LPAR1: variants seen among roughly 807,000 people sequenced by gnomAD.
The protein encoded by LPAR1 is lysophosphatidic acid receptor 1, also known as LPA receptor 1.
In LPAR1, 5 loss-of-function variants were observed where a neutral mutation model predicts 23.8. The ratio of observed to expected loss-of-function variants is 0.21; its 90% CI spans 0.11 to 0.44. The LOEUF (loss-of-function observed/expected upper bound fraction) is 0.44, where lower values mean the gene tolerates loss of function less well. Ranked by LOEUF, LPAR1 falls within the 20% of genes least tolerant of loss-of-function variation. LPAR1 has a pLI of 0.99. For synonymous variants in LPAR1, 160 were observed against 164.7 expected (o/e 0.97, Z 0.22); for missense variants, 311 against 482.8 (o/e 0.64, Z 3.33).
chr9:111,008,245 C>T (rs1039575986), intron 2 of LPAR1, among the ~76,000 whole-genome samples: 3 of 151,960 alleles, frequency 2.0e-5, no homozygotes, highest in African/African-American at 7.3e-5. Flanking sequence ...AAAAGTCACA[C>T]TATAGACGTC....
At chr9:111,007,170 G>A (rs374586486) in intron 2 of LPAR1, among the ~76,000 whole-genome samples, 3 of 152,174 alleles carry the variant, frequency 2.0e-5, no homozygotes, top group South Asian at 2.1e-4. Context: ...CCCAGAAGCC[G>A]AGCAGATGCC....
intron 5 of LPAR1, among the ~76,000 whole-genome samples, chr9:110,903,639 C>T (rs548967822): frequency 5.3e-5 from 8 of 152,024 alleles, no homozygotes; most frequent in African/African-American, 1.9e-4. Flanking sequence ...AAAAAACAGA[C>T]CCTCAAGGAC....
At chr9:111,005,377 G>C (rs971607441) in intron 2 of LPAR1, among the ~76,000 whole-genome samples, 2 of 150,848 alleles carry the variant, frequency 1.3e-5, no homozygotes, top group African/African-American at 4.9e-5. Context: ...AGACCAGCCT[G>C]GGCAACATGG....
chr9:111,022,847 G>A (rs914707344), intron 2 of LPAR1, among the ~76,000 whole-genome samples: 1 of 151,746 alleles, frequency 6.6e-6, no homozygotes, highest in South Asian at 2.1e-4. Context: ...TCAGGAGATC[G>A]AGACCATCCT....
At chr9:110,948,337 C>A (rs532436525) in intron 4 of LPAR1, among the ~76,000 whole-genome samples, 1 of 152,138 alleles carries the variant, frequency 6.6e-6, no homozygotes, top group Non-Finnish European at 1.5e-5. Context: ...GGCCACAAAA[C>A]AATACTGATA....
intron 5 of LPAR1, among the ~76,000 whole-genome samples, chr9:110,917,068 C>T (rs944715631): frequency 6.6e-6 from 1 of 151,498 alleles, no homozygotes; most frequent in Non-Finnish European, 1.5e-5. Context: ...CCGGGTACAG[C>T]GGCTCACGGC....
intron 2 of LPAR1, among the ~76,000 whole-genome samples, chr9:110,984,626 A>T (rs998115695): frequency 6.6e-6 from 1 of 152,046 alleles, no homozygotes; most frequent in Non-Finnish European, 1.5e-5. Context: ...TGGTATAATT[A>T]AGATATATTT....
chr9:111,024,182 G>C (rs905135600), intron 2 of LPAR1, among the ~76,000 whole-genome samples: 10 of 151,942 alleles, frequency 6.6e-5, no homozygotes, highest in African/African-American at 1.9e-4. Flanking sequence ...AAAATCCTGA[G>C]TTGAACTCAG....
At chr9:111,024,404 CAT>C (rs1044434855) in intron 2 of LPAR1, among the ~76,000 whole-genome samples, 1 of 147,076 alleles carries the variant, frequency 6.8e-6, no homozygotes, top group Non-Finnish European at 1.5e-5. Flanking sequence ...TACACACACA[CAT>C]ATTTATATAT....
intron 2 of LPAR1, among the ~76,000 whole-genome samples, chr9:110,977,851 GGAAGGAA>G (rs2096589648): frequency 7.1e-4 from 23 of 32,278 alleles, no homozygotes; most frequent in Middle Eastern, 0.019. Context: ...AAGGAGGGAA[GGAAGGAA>G]GGAAGGAAGG....
intron 2 of LPAR1, among the ~76,000 whole-genome samples, chr9:111,014,323 G>T (rs1046952991): frequency 3.3e-5 from 5 of 152,122 alleles, no homozygotes; most frequent in African/African-American, 1.2e-4. Context: ...GAAGCCATCA[G>T]TGCTGCCATT....
intron 5 of LPAR1, among the ~76,000 whole-genome samples, chr9:110,932,940 C>T (rs147496091): frequency 6.6e-6 from 1 of 152,324 alleles, no homozygotes; most frequent in African/African-American, 2.4e-5. Flanking sequence ...TTAAGTACTG[C>T]AGATCCATCT....
intron 1 of LPAR1, among the ~76,000 whole-genome samples, chr9:111,037,104 C>T (rs1358995285): frequency 6.6e-6 from 1 of 152,202 alleles, no homozygotes; most frequent in Non-Finnish European, 1.5e-5. Context: ...AATCACAGAC[C>T]TCTGGCTTAC....
chr9:110,912,354 C>A (rs1461160011), intron 5 of LPAR1, among the ~76,000 whole-genome samples: 1 of 152,124 alleles, frequency 6.6e-6, no homozygotes, highest in Non-Finnish European at 1.5e-5. Context: ...GATTTCTTTA[C>A]AAATGCAAAT....
intron 5 of LPAR1, among the ~76,000 whole-genome samples, chr9:110,932,827 T>C (rs2094489666): frequency 6.6e-6 from 1 of 152,138 alleles, no homozygotes. Context: ...TCCCCCCTCC[T>C]CCAACCCATC....
intron 2 of LPAR1, among the ~76,000 whole-genome samples, chr9:110,978,290 T>G (rs974408583): frequency 2.6e-5 from 4 of 152,072 alleles, no homozygotes; most frequent in Admixed American, 1.3e-4. Flanking sequence ...GTAGAATATT[T>G]TTAAAAAGCA....
chr9:110,886,111 T>C (rs1372823753), intron 5 of LPAR1, among the ~76,000 whole-genome samples: 4 of 151,458 alleles, frequency 2.6e-5, no homozygotes, highest in African/African-American at 9.7e-5. Flanking sequence ...GGCAGGAGAA[T>C]TGCTTGAACC....
chr9:111,038,354 G>T lies in LPAR1; in HGVS notation c.-449C>A. On this transcript the variant is annotated 5_prime_UTR_variant, in exon 1 of 6. Transcript: ENST00000683809. This position sits in a 1 kb window ranked among gnomAD's most constrained non-coding sequence, Gnocchi z 4.4. ...CCGGGGTCCCGTGCTCGGCCGGGCG[G>T]CGGGGAGGGCTCCGCGGCTCCGGGC... 6.5e-6 allele frequency: 1 copy of T among 154,864 alleles called. No individual in the cohort carries two copies. Among genetic ancestry groups the T allele is most frequent in the Non-Finnish European group, 1.4e-5 (1 of 70,560 alleles). 9.6% of individuals were successfully genotyped at this position (154,864 alleles called of 1,614,324 possible).
chr9:111,031,476 C>T (rs532345792), intron 2 of LPAR1, among the ~76,000 whole-genome samples: 4 of 150,868 alleles, frequency 2.7e-5, no homozygotes, highest in South Asian at 4.2e-4. Flanking sequence ...CCAGGCATAG[C>T]GGCACACACC....
Sources: allele counts gnomAD v4.1 joint callset (sites outside exome capture counted in the v4.1 genomes callset), GRCh38; gene constraint gnomAD v4.1.1; non-coding constraint Gnocchi (gnomAD v3.1); transcripts MANE v1.5; gene names NCBI Gene and HGNC (gene_info 2026-07-23, HGNC 2026-07-21).